The following TRHDE variants were observed in gnomAD, a reference collection of about 807,000 sequenced individuals.
TRHDE encodes thyrotropin-releasing hormone-degrading ectoenzyme.
A neutral mutation model predicts 125.7 loss-of-function variants in TRHDE; 72 were observed. The ratio of observed to expected loss-of-function variants is 0.57; its 90% CI spans 0.47 to 0.70. TRHDE has a LOEUF of 0.70. Among genes scored for constraint, TRHDE ranks in the 30% least tolerant of loss-of-function variants. TRHDE has a pLI of 0.00. For synonymous variants in TRHDE, 509 were observed against 509.1 expected (o/e 1.00, Z 0.00); for missense variants, 1,110 against 1,327.1 (o/e 0.84, Z 2.54).
intron 10 of TRHDE, among the ~76,000 whole-genome samples, chr12:72,574,102 A>G (rs1299183328): frequency 6.6e-6 from 1 of 152,058 alleles, no homozygotes; most frequent in African/African-American, 2.4e-5. Flanking sequence ...TGTCCACCCA[A>G]TATGTTTTCT....
intron 2 of TRHDE, among the ~76,000 whole-genome samples, chr12:72,206,700 G>A (rs2139358530): frequency 6.6e-6 from 1 of 151,310 alleles, no homozygotes; most frequent in Middle Eastern, 3.4e-3. Context: ...ATTTTGTTGG[G>A]GTAATTATTC....
intron 15 of TRHDE, among the ~76,000 whole-genome samples, chr12:72,639,512 A>C (rs907073734): frequency 7.2e-5 from 11 of 152,228 alleles, no homozygotes; most frequent in African/African-American, 2.7e-4. Context: ...CATCAAAGTC[A>C]TTCTCCGTCC....
chr12:72,593,009 C>A (rs562986051), intron 12 of TRHDE, among the ~76,000 whole-genome samples: 1 of 152,090 alleles, frequency 6.6e-6, no homozygotes, highest in South Asian at 2.1e-4. Flanking sequence ...CACCGCGCCC[C>A]GCTGGTGAAA....
intron 13 of TRHDE, among the ~76,000 whole-genome samples, chr12:72,620,091 G>A (rs1872982437): frequency 1.3e-5 from 2 of 151,860 alleles, no homozygotes; most frequent in Admixed American, 1.3e-4. Context: ...ACTTGCTAGA[G>A]AAAGATTACA....
chr12:72,238,639 C>A (rs12314809), intron 2 of TRHDE, among the ~76,000 whole-genome samples: 1 of 151,344 alleles, frequency 6.6e-6, no homozygotes, highest in African/African-American at 2.4e-5. Context: ...TGAGAACATG[C>A]GGTGTTTGGT....
intron 12 of TRHDE, among the ~76,000 whole-genome samples, chr12:72,584,785 T>C (rs1473529053): frequency 6.6e-6 from 1 of 152,222 alleles, no homozygotes; most frequent in African/African-American, 2.4e-5. Context: ...ACATTTTCTT[T>C]ATCAGTTCAT....
intron 3 of TRHDE, among the ~76,000 whole-genome samples, chr12:72,422,473 C>T (rs1045300877): frequency 6.6e-6 from 1 of 152,140 alleles, no homozygotes; most frequent in African/African-American, 2.4e-5. Context: ...GTGTGATTTA[C>T]TCTTGGAGAG....
intron 2 of TRHDE, among the ~76,000 whole-genome samples, chr12:72,296,399 A>C (rs1305916862): frequency 1.3e-5 from 2 of 152,266 alleles, no homozygotes; most frequent in Non-Finnish European, 2.9e-5. Flanking sequence ...AAGGTTTACC[A>C]CTAAACAGGG....
At chr12:72,618,664 C>T (rs1872919158) in intron 12 of TRHDE, among the ~76,000 whole-genome samples, 1 of 152,060 alleles carries the variant, frequency 6.6e-6, no homozygotes, top group Non-Finnish European at 1.5e-5. Flanking sequence ...AATATGCGTT[C>T]TGATGTTTTT....
intron 2 of TRHDE, among the ~76,000 whole-genome samples, chr12:72,345,056 G>A (rs1438591705): frequency 1.3e-5 from 2 of 152,084 alleles, no homozygotes; most frequent in African/African-American, 2.4e-5. Context: ...TGATGAGCAA[G>A]TGAAAGTGAA....
At chr12:72,326,904 G>A (rs1228204942) in intron 2 of TRHDE, among the ~76,000 whole-genome samples, 3 of 152,056 alleles carry the variant, frequency 2.0e-5, no homozygotes, top group African/African-American at 7.2e-5. Flanking sequence ...CAGTAGCTTT[G>A]GGACTCTTAT....
chr12:72,505,577 C>T (rs1878323508), intron 6 of TRHDE, among the ~76,000 whole-genome samples: 2 of 152,070 alleles, frequency 1.3e-5, no homozygotes, highest in South Asian at 2.1e-4. Flanking sequence ...CCTTTACAAG[C>T]AGGAACACTT....
At position 72,652,306 on chromosome 12, in the gene TRHDE, T is replaced by C. The variant is rs376254796; in HGVS notation, c.2676-16T>C. ...GCTTTTAATTAACAGAAAACCACCA[T>C]GGGTTGCTTCTTTAGAATACCACTA... On this transcript the variant is annotated splice_polypyrimidine_tract_variant and intron_variant, in intron 15 of 18. Transcript: ENST00000261180. The C allele has an allele frequency of 7.1e-7, 1 of 1,411,444 alleles. No individual in the cohort carries two copies. Among genetic ancestry groups the C allele is most frequent in the Non-Finnish European group, 9.3e-7 (1 of 1,072,722 alleles). The allele number at this position is 1,411,444 out of a possible 1,614,324, so 87.4% of individuals were successfully genotyped here. A position where few individuals can be genotyped will look rare whatever the true frequency, so the allele number is the denominator to read the frequency against.
chr12:72,547,779 A>G (rs533677258), intron 7 of TRHDE, among the ~76,000 whole-genome samples: 120 of 152,010 alleles, frequency 7.9e-4, no homozygotes, highest in Non-Finnish European at 1.4e-3. Context: ...CTAAGAAAAC[A>G]TCTGCATAAT....
intron 2 of TRHDE, among the ~76,000 whole-genome samples, chr12:72,342,302 C>T (rs952813662): frequency 6.6e-6 from 1 of 152,090 alleles, no homozygotes; most frequent in African/African-American, 2.4e-5. Context: ...ATCTGCCATA[C>T]TAAGAATTTG....
intron 16 of TRHDE, among the ~76,000 whole-genome samples, 159 bp from the exon 17 acceptor site, chr12:72,652,857 T>C (rs534090972): frequency 4.6e-5 from 7 of 152,134 alleles, no homozygotes; most frequent in African/African-American, 1.4e-4. Flanking sequence ...TCCTCTTTTA[T>C]AAACAGAAAT....
intron 3 of TRHDE, among the ~76,000 whole-genome samples, chr12:72,446,434 G>C (rs1875288928): frequency 6.6e-6 from 1 of 152,002 alleles, no homozygotes; most frequent in African/African-American, 2.4e-5. Flanking sequence ...TTGATGCTAG[G>C]AAGAAACTGC....
intron 3 of TRHDE, among the ~76,000 whole-genome samples, chr12:72,396,179 G>C (rs911475622): frequency 1.3e-5 from 2 of 152,030 alleles, no homozygotes; most frequent in African/African-American, 2.4e-5. Context: ...AAACAAACAG[G>C]CTTCAATATA....
intron 3 of TRHDE, among the ~76,000 whole-genome samples, chr12:72,426,882 C>G (rs972920867): frequency 6.6e-6 from 1 of 151,940 alleles, no homozygotes; most frequent in Non-Finnish European, 1.5e-5. Flanking sequence ...ATATTTTTAT[C>G]ATTGCCAAAC....
Sources: allele counts gnomAD v4.1 joint callset (sites outside exome capture counted in the v4.1 genomes callset), GRCh38; gene constraint gnomAD v4.1.1; transcripts MANE v1.5; gene names NCBI Gene and HGNC (gene_info 2026-07-23, HGNC 2026-07-21).